NFKBIZ: variants seen among roughly 807,000 people sequenced by gnomAD.
NFKBIZ encodes NFKB inhibitor zeta, also known as NF-kappa-B inhibitor zeta.
In NFKBIZ, 19 loss-of-function variants were observed where a neutral mutation model predicts 76.8. The observed-to-expected ratio is 0.25, with a 90% confidence interval of 0.17 to 0.36. The LOEUF (loss-of-function observed/expected upper bound fraction) is 0.36, where lower values mean the gene tolerates loss of function less well. Among genes scored for constraint, NFKBIZ ranks in the 10% least tolerant of loss-of-function variants. The pLI, the probability that NFKBIZ is intolerant of heterozygous loss-of-function variation, is 1.00. For synonymous variants in NFKBIZ, 368 were observed against 354.8 expected, an observed-to-expected ratio of 1.04 and a Z score of -0.42; for missense variants, 829 against 910.9, an observed-to-expected ratio of 0.91 and a Z score of 1.16.
At chr3:101,859,135 A>T (rs1943099008) in intron 11 of NFKBIZ, among the ~76,000 whole-genome samples, 183 bp from the exon 12 acceptor site, 1 of 152,254 alleles carries the variant, frequency 6.6e-6, no homozygotes, top group Non-Finnish European at 1.5e-5. Context: ...TAAGTTTAAA[A>T]GGAGTTTAGT....
At position 101,855,715 on chromosome 3, in the gene NFKBIZ, ATTATAC is replaced by A. The variant is rs1943039913; in HGVS notation, c.1655-15_1655-10del. On this transcript the variant is annotated splice_polypyrimidine_tract_variant and intron_variant, in intron 8 of 11. Coordinates refer to ENST00000326172, the MANE Select transcript of NFKBIZ (RefSeq NM_031419.4). ...TGATGGGATGCTTGACCACTGCTTG[ATTATAC>A]TTTTCTTCTAGGCCTGACTCCCCTT... The A allele has an allele frequency of 6.4e-7, 1 of 1,573,274 alleles. No individual in the cohort carries two copies. The highest frequency in any genetic ancestry group is 1.4e-5 in the African/African-American group (1 of 72,984).
intron 9 of NFKBIZ, chr3:101,856,142 C>T (rs1236076606): frequency 4.0e-6 from 1 of 248,330 alleles, no homozygotes; most frequent in Non-Finnish European, 7.8e-6. Flanking sequence ...CCTCCGACTC[C>T]CTGGTTCAAG....
chr3:101,851,306 C>T (rs1942959101), intron 1 of NFKBIZ, among the ~76,000 whole-genome samples: 1 of 152,190 alleles, frequency 6.6e-6, no homozygotes, highest in South Asian at 2.1e-4. Flanking sequence ...ATACCAAATG[C>T]TAAAGTGTAT....
chr3:101,857,072 G>T lies in NFKBIZ; in HGVS notation c.1825-1G>T. 1.3e-6 allele frequency: 2 copies of T among 1,596,682 alleles called. No homozygotes were observed. The highest frequency in any genetic ancestry group is 1.7e-6 in the Non-Finnish European group (2 of 1,168,436). ...TTTTCCTCCCTCTTGCCTTTGACAA[G>T]GATCGCAAAAGTGGCCGCACAGCCC... On this transcript the variant is annotated splice_acceptor_variant, in intron 9 of 11. Coordinates refer to ENST00000326172, the MANE Select transcript of NFKBIZ (RefSeq NM_031419.4). LOFTEE classifies it high-confidence loss of function.
chr3:101,829,240 CAG>C (rs1033607107), intron 1 of NFKBIZ, among the ~76,000 whole-genome samples: 18 of 152,288 alleles, frequency 1.2e-4, no homozygotes, highest in African/African-American at 3.6e-4. Flanking sequence ...ACTGCGGTGG[CAG>C]AGTCAGTCTG....
In NFKBIZ at chr3:101,849,846, C is replaced by T. The variant is rs1410491124; in HGVS notation, c.218C>T (p.Ala73Val). The change falls in exon 1 of 12, where the codon GCC becomes GTC. Residue 73 changes from alanine (A) to valine (V), a missense_variant. Ala to Val is a moderately conservative substitution (Grantham distance 64). This residue lies in a region of NFKBIZ where 181 missense variants were observed against 175.3 expected (regional missense o/e 1.03). Transcript: ENST00000326172. ...TCCGACTCCTCCGACTTCTCCTCTG[C>T]CTCGTCGGTGTCCTCCTGCGGCGCC... ...PGSDSSDFSS[A>V]SSVSSCGAVE... 1.0e-5 allele frequency: 15 copies of T among 1,472,006 alleles called. No homozygotes were observed. The Admixed American group carries it at 2.9e-4, about 29-fold the overall frequency. The allele number at this position is 1,472,006 out of a possible 1,614,324, so 91.2% of individuals were successfully genotyped here.
At chr3:101,832,292 T>C (rs1399309187) in intron 2 of NFKBIZ, among the ~76,000 whole-genome samples, 3 of 152,126 alleles carry the variant, frequency 2.0e-5, no homozygotes, top group Non-Finnish European at 4.4e-5. Flanking sequence ...TTTAAATATA[T>C]ATTTTTAAAT....
At chr3:101,858,031 A>G (rs1027079243) in intron 11 of NFKBIZ, 1 of 846,742 alleles carries the variant, frequency 1.2e-6, no homozygotes, top group Non-Finnish European at 1.4e-6. Flanking sequence ...ATATGGTTAT[A>G]TATTATCATT....
At chr3:101,856,031 T>G in intron 9 of NFKBIZ, 129 bp downstream of exon 9, 1 of 818,344 alleles carries the variant, frequency 1.2e-6, no homozygotes, top group Non-Finnish European at 1.8e-6. Context: ...AGTAGCAATG[T>G]ATGGGTGGTT....
intron 9 of NFKBIZ, among the ~76,000 whole-genome samples, chr3:101,856,173 G>C (rs1041500640): frequency 6.6e-6 from 1 of 151,686 alleles, no homozygotes; most frequent in Non-Finnish European, 1.5e-5. Flanking sequence ...GCCTCAGCCT[G>C]CCCAGTAGCT....
chr3:101,849,702 T>G lies in NFKBIZ; in HGVS notation c.74T>G (p.Leu25Arg). 1 of 1,417,458 alleles carries G rather than the reference T, an allele frequency of 7.1e-7. No individual in the cohort carries two copies. The highest frequency in any genetic ancestry group is 1.5e-5 in the South Asian group (1 of 68,286). 87.8% of individuals were successfully genotyped at this position (1,417,458 alleles called of 1,614,324 possible). A position where few individuals can be genotyped will look rare whatever the true frequency, so the allele number is the denominator to read the frequency against. ...GLRDAAGGCG[L>R]MTSPLNLSYF... The stretch of plus-strand genomic sequence containing the variant: ...CGGGACGCGGCGGGCGGCTGCGGCC[T>G]CATGACCAGCCCGCTCAACCTGAGC... The change falls in exon 1 of 12, where the codon CTC (leucine) becomes CGC (arginine). Residue 25 changes from leucine (L) to arginine (R), a missense_variant. Transcript: ENST00000326172.
intron 5 of NFKBIZ, 94 bp downstream of exon 5, chr3:101,853,957 CT>C: frequency 8.1e-7 from 1 of 1,230,144 alleles, no homozygotes; most frequent in Non-Finnish European, 1.1e-6. Flanking sequence ...CAAGGTATAC[CT>C]TAGTTAGTGG....
chr3:101,849,909 G>T lies in NFKBIZ; in HGVS notation c.281G>T (p.Arg94Leu). The change falls in exon 1 of 12, where the codon CGC becomes CTC. Residue 94 changes from arginine (R) to leucine (L), a missense_variant. By Grantham distance (102) the Arg-to-Leu change is moderately radical. Transcript: ENST00000326172. ...TCGAGAGGCGGCGCCCGCGCCGAGC[G>T]CCAGCCAGGTACCCGCCGGCCCCGC... ...SRSRGGARAE[R>L]QPVEPHMGVG... 7.0e-7 allele frequency: 1 copy of T among 1,423,314 alleles called. No homozygotes were observed. Among genetic ancestry groups the T allele is most frequent in the Non-Finnish European group, 9.1e-7 (1 of 1,096,576 alleles). The allele number at this position is 1,423,314 out of a possible 1,614,324, so 88.2% of individuals were successfully genotyped here. A position where few individuals can be genotyped will look rare whatever the true frequency, so the allele number is the denominator to read the frequency against.
chr3:101,830,557 A>G (rs1335187170), intron 2 of NFKBIZ, among the ~76,000 whole-genome samples: 4 of 152,178 alleles, frequency 2.6e-5, no homozygotes, highest in Non-Finnish European at 5.9e-5. Flanking sequence ...CTCCCACTTA[A>G]AAATGAGAAC....
At position 101,853,188 on chromosome 3, in the gene NFKBIZ, T is replaced by A. The variant is rs771854070; in HGVS notation, c.662T>A (p.Ile221Asn). The change falls in exon 5 of 12, where the codon ATC (isoleucine) becomes AAC (asparagine). Residue 221 changes from isoleucine to asparagine, a missense_variant. Around this residue, in one of 4 missense-constraint regions of NFKBIZ, gnomAD observed 371 missense variants for 332.3 expected, o/e 1.12. Transcript: ENST00000326172. ...AGTGCTGATCTGCTTCAGAACATTA[T>A]CAACATTAAGAATGAATGCAGCCCC... ...ESSADLLQNI[I>N]NIKNECSPVS... The A allele has an allele frequency of 6.2e-7, 1 of 1,614,124 alleles. No individual in the cohort carries two copies. The highest frequency in any genetic ancestry group is 8.5e-7 in the Non-Finnish European group (1 of 1,180,024).
At chr3:101,828,115 C>G (rs548632700) in exon 1 of NFKBIZ, 1 of 152,272 alleles carries the variant, frequency 6.6e-6, no homozygotes, top group South Asian at 2.1e-4. Flanking sequence ...GGGTTATTAT[C>G]GCTGATTACA....
chr3:101,853,056 A>G, intron 4 of NFKBIZ, 35 bp from the exon 5 acceptor site: 2 of 1,612,162 alleles, frequency 1.2e-6, no homozygotes, highest in Admixed American at 3.3e-5. Flanking sequence ...TTTAGAAGGA[A>G]GTGAGTGTGC....
intron 11 of NFKBIZ, 158 bp downstream of exon 11, chr3:101,857,617 C>G (rs1576819852): frequency 1.0e-6 from 1 of 985,434 alleles, no homozygotes; most frequent in Non-Finnish European, 1.2e-6. Flanking sequence ...TGTGGAGTTA[C>G]TCTTCGTTTG....
At chr3:101,849,499 TCCCGCGCCGCGCCCGTACTGG>T in exon 1 of NFKBIZ, 5 of 781,768 alleles carry the variant, frequency 6.4e-6, no homozygotes, top group Non-Finnish European at 8.7e-6. Flanking sequence ...ACCCTGGCAG[TCCCGCGCCGCGCCCGTACTGG>T]CCCGCGCCGT....
Sources: allele counts gnomAD v4.1 joint callset (sites outside exome capture counted in the v4.1 genomes callset), GRCh38; gene constraint gnomAD v4.1.1; regional missense constraint gnomAD v4.1.1; transcripts MANE v1.5; gene names NCBI Gene and HGNC (gene_info 2026-07-23, HGNC 2026-07-21).